TSPAN18: variants seen among roughly 807,000 people sequenced by gnomAD.
TSPAN18 encodes the protein tetraspanin-18.
In TSPAN18, 14 loss-of-function variants were observed where a neutral mutation model predicts 27.3. The ratio of observed to expected loss-of-function variants is 0.51; its 90% CI spans 0.34 to 0.80. The LOEUF (loss-of-function observed/expected upper bound fraction) is 0.80, where lower values mean the gene tolerates loss of function less well. Among genes scored for constraint, TSPAN18 ranks in the 30% least tolerant of loss-of-function variants. TSPAN18 has a pLI of 0.01. For missense variants in TSPAN18, 268 were observed against 323.9 expected (o/e 0.83, Z 1.32); for synonymous variants, 143 against 136.5 (o/e 1.05, Z -0.33).
chr11:44,846,516 C>G (rs538952936), intron 2 of TSPAN18, among the ~76,000 whole-genome samples: 2 of 152,146 alleles, frequency 1.3e-5, no homozygotes, highest in Non-Finnish European at 2.9e-5. Flanking sequence ...GAACACTCGA[C>G]AAACGTCAAG....
intron 2 of TSPAN18, among the ~76,000 whole-genome samples, chr11:44,802,991 A>G (rs143805243): frequency 0.013 from 1,967 of 152,236 alleles, 51 homozygotes; most frequent in African/African-American, 0.045. Context: ...CATGGGGCAC[A>G]AGTGAGTCTT....
intron 3 of TSPAN18, among the ~76,000 whole-genome samples, chr11:44,892,214 CT>C (rs1436931390): frequency 6.6e-6 from 1 of 152,206 alleles, no homozygotes; most frequent in Non-Finnish European, 1.5e-5. Context: ...TGGTACCTGC[CT>C]TTCCCCAGAT....
At position 44,789,628 on chromosome 11, in the gene TSPAN18, G is replaced by A. The variant is rs543610259; in HGVS notation, c.-153+25116G>A. ...GGAGGTGAGCTCTTGAGGAGGCTTC[G>A]AGATTGGTGATTCTGAGCTGGGAGC... On this transcript the variant is annotated intron_variant, in intron 2 of 9. Coordinates refer to ENST00000520358, the MANE Select transcript of TSPAN18 (RefSeq NM_130783.5). 6.6e-4 allele frequency among the ~76,000 whole-genome samples: 100 copies of A among 152,196 alleles called. 1 individual carries two copies. The highest frequency in any genetic ancestry group is 2.3e-3 in the African/African-American group (94 of 41,516).
At chr11:44,827,913 G>A (rs1157708164) in intron 2 of TSPAN18, among the ~76,000 whole-genome samples, 1 of 152,224 alleles carries the variant, frequency 6.6e-6, no homozygotes, top group African/African-American at 2.4e-5. Context: ...GCTGGGACAG[G>A]CCTCCTGGGA....
Position 44,845,387 on chromosome 11 carries a change from C to G in TSPAN18, c.-152-14941C>G, listed in dbSNP as rs188264242. Among the ~76,000 whole-genome samples, 49 of 152,338 alleles carry G rather than the reference C, an allele frequency of 3.2e-4. No individual in the cohort carries two copies. In the East Asian group the frequency reaches 9.1e-3, roughly 28 times the overall value. The stretch of plus-strand genomic sequence containing the variant: ...GCGTGCAAAGTGCTTAGCACAGTAT[C>G]TGGCACATGAGTACCTCACTGAGTT... On this transcript the variant is annotated intron_variant, in intron 2 of 9. Coordinates refer to ENST00000520358, the MANE Select transcript of TSPAN18 (RefSeq NM_130783.5).
intron 3 of TSPAN18, among the ~76,000 whole-genome samples, chr11:44,880,798 A>T (rs1565189351): frequency 6.6e-6 from 1 of 152,254 alleles, no homozygotes; most frequent in Non-Finnish European, 1.5e-5. Flanking sequence ...GACATTGTGT[A>T]TGATGGGAAA....
chr11:44,909,752 C>T lies in TSPAN18; in HGVS notation c.111C>T (p.Asp37=). The T allele has an allele frequency of 6.2e-7, 1 of 1,613,424 alleles. No individual in the cohort carries two copies. The highest frequency in any genetic ancestry group is 8.5e-7 in the Non-Finnish European group (1 of 1,179,968). Residue 37 remains aspartate, a synonymous_variant, in exon 5 of 10, where the codon GAC becomes GAT. Transcript: ENST00000520358. ...CCATCGGCATCTGGGTCATGGTGGA[C>T]CCCACCGGCTTCCGGGAGATCGTGG... ...LLAIGIWVMV[D]PTGFREIVAA...
rs530995810 is a variant in TSPAN18 at position 44,748,092 on chromosome 11, C to T, written c.-239-16334C>T. Among the ~76,000 whole-genome samples, 7 of 152,282 alleles carry T rather than the reference C, an allele frequency of 4.6e-5. No homozygotes were observed. In the East Asian group the frequency reaches 1.2e-3, roughly 25 times the overall value. On this transcript the variant is annotated intron_variant, in intron 1 of 9. Transcript: ENST00000520358. ...TTCCTTTCTCTCAAAAGAGACAAAC[C>T]ACTGGTTTATGTTTAGAGAGATCAT...
At chr11:44,745,859 C>G (rs1299330712) in intron 1 of TSPAN18, among the ~76,000 whole-genome samples, 1 of 152,162 alleles carries the variant, frequency 6.6e-6, no homozygotes, top group African/African-American at 2.4e-5. Context: ...AACCCCGTCT[C>G]TACTAAAAAT....
intron 3 of TSPAN18, among the ~76,000 whole-genome samples, chr11:44,868,950 T>G (rs1182463722): frequency 6.6e-6 from 1 of 152,206 alleles, no homozygotes; most frequent in African/African-American, 2.4e-5. Flanking sequence ...TGTGTGTACT[T>G]AAGGATCACA....
intron 2 of TSPAN18, among the ~76,000 whole-genome samples, chr11:44,820,506 C>T (rs753044037): frequency 3.9e-5 from 6 of 152,208 alleles, no homozygotes; most frequent in Non-Finnish European, 8.8e-5. Flanking sequence ...CACTTGAGAG[C>T]TAGACTGTTT....
intron 3 of TSPAN18, among the ~76,000 whole-genome samples, chr11:44,882,808 CT>C (rs888232607): frequency 6.6e-6 from 1 of 152,164 alleles, no homozygotes; most frequent in African/African-American, 2.4e-5. Flanking sequence ...GAAGCCTGAA[CT>C]TAAACCCAGA....
chr11:44,922,097 T>C (rs1299944176), intron 8 of TSPAN18, among the ~76,000 whole-genome samples: 2 of 150,078 alleles, frequency 1.3e-5, no homozygotes, highest in Non-Finnish European at 2.9e-5. Context: ...CAAAGCCCTC[T>C]TGCTTAAAGC....
chr11:44,727,681 C>T (rs1445176304), intron 1 of TSPAN18, among the ~76,000 whole-genome samples: 1 of 152,112 alleles, frequency 6.6e-6, no homozygotes, highest in African/African-American at 2.4e-5. Context: ...CCACGCCACC[C>T]GGTAAGACAG....
In TSPAN18 at chr11:44,919,942, G is replaced by A. The variant is rs767990733; in HGVS notation, c.558G>A (p.Gly186=). The part of the protein sequence containing the change: ...CCRREPQSRD[G]VLLSREECLL... ...GGAGGGAACCCCAAAGTCGGGACGG[G>A]GTCCTGCTGAGCCGGGAGGAGTGCC... The change falls in exon 8 of 10, where the codon GGG becomes GGA. Residue 186 remains glycine, a synonymous_variant. Coordinates refer to ENST00000520358, the MANE Select transcript of TSPAN18 (RefSeq NM_130783.5). The A allele has an allele frequency of 1.9e-6, 3 of 1,614,186 alleles. No homozygotes were observed. Among genetic ancestry groups the A allele is most frequent in the Non-Finnish European group, 2.5e-6 (3 of 1,180,036 alleles).
intron 8 of TSPAN18, among the ~76,000 whole-genome samples, chr11:44,920,352 G>A (rs1449351370): frequency 6.6e-6 from 1 of 152,066 alleles, no homozygotes; most frequent in Non-Finnish European, 1.5e-5. Flanking sequence ...TGCACAGTGG[G>A]GGGCCCTTCT....
intron 2 of TSPAN18, among the ~76,000 whole-genome samples, chr11:44,788,099 A>G (rs765090002): frequency 2.9e-4 from 44 of 152,210 alleles, no homozygotes; most frequent in Admixed American, 2.0e-3. Flanking sequence ...CTTTTCCTCC[A>G]TGGTTCAGGC....
chr11:44,780,846 C>A (rs1855921382), intron 2 of TSPAN18, among the ~76,000 whole-genome samples: 1 of 152,208 alleles, frequency 6.6e-6, no homozygotes, highest in Non-Finnish European at 1.5e-5. Context: ...TGTTAATCAA[C>A]AAAACCTTCC....
chr11:44,772,351 G>T (rs958511872), intron 2 of TSPAN18, among the ~76,000 whole-genome samples: 2 of 152,052 alleles, frequency 1.3e-5, no homozygotes, highest in African/African-American at 4.8e-5. Flanking sequence ...TAGAATAATG[G>T]CCAGAAAAGA....
Sources: allele counts gnomAD v4.1 joint callset (sites outside exome capture counted in the v4.1 genomes callset), GRCh38; gene constraint gnomAD v4.1.1; transcripts MANE v1.5; gene names NCBI Gene and HGNC (gene_info 2026-07-23, HGNC 2026-07-21).